The following SLC39A14 variants were observed in gnomAD, a reference collection of about 807,000 sequenced individuals.
SLC39A14 encodes the protein metal cation symporter ZIP14.
SLC39A14 carries 19 observed loss-of-function variants against 45.5 expected under a neutral mutation model. The ratio of observed to expected loss-of-function variants is 0.42; its 90% CI spans 0.29 to 0.61. SLC39A14 has a LOEUF of 0.61. Ranked by LOEUF, SLC39A14 falls within the 20% of genes least tolerant of loss-of-function variation. The pLI is 0.22. For synonymous variants in SLC39A14, 264 were observed against 251.3 expected (o/e 1.05, Z -0.48); for missense variants, 447 against 616.5 (o/e 0.73, Z 2.91).
intron 4 of SLC39A14, among the ~76,000 whole-genome samples, chr8:22,412,567 T>G (rs1458388181): frequency 6.6e-6 from 1 of 152,030 alleles, no homozygotes; most frequent in East Asian, 1.9e-4. Flanking sequence ...CTGTCTGATG[T>G]GGGGTGAAAA....
At chr8:22,389,469 G>C (rs1833954721) in intron 1 of SLC39A14, among the ~76,000 whole-genome samples, 1 of 152,048 alleles carries the variant, frequency 6.6e-6, no homozygotes, top group South Asian at 2.1e-4. Flanking sequence ...GGGGAGGTGG[G>C]GTAGGCTGGG....
chr8:22,412,029 C>G lies in SLC39A14; in HGVS notation c.458-8C>G, dbSNP rs1168039448. The G allele has an allele frequency of 6.5e-7, 1 of 1,549,400 alleles. No individual in the cohort carries two copies. Among genetic ancestry groups the G allele is most frequent in the Non-Finnish European group, 8.7e-7 (1 of 1,146,540 alleles). The stretch of plus-strand genomic sequence containing the variant: ...CTGGGTGGGGCTGGCCCTCCCTCCG[C>G]ACGGCAGTGTGGGGATACGGTCTCC... On this transcript the variant is annotated splice_polypyrimidine_tract_variant and splice_region_variant and intron_variant, in intron 3 of 8. Coordinates refer to ENST00000381237, the MANE Select transcript of SLC39A14 (RefSeq NM_001128431.4).
At chr8:22,411,790 T>C in intron 3 of SLC39A14, 1 of 460,312 alleles carries the variant, frequency 2.2e-6, no homozygotes, top group South Asian at 3.0e-5. Context: ...TGAATTCCTC[T>C]TTCTTCTGAA....
downstream of SLC39A14, among the ~76,000 whole-genome samples, chr8:22,424,049 G>A (rs182687452): frequency 6.6e-6 from 1 of 151,966 alleles, no homozygotes; most frequent in East Asian, 1.9e-4. Context: ...GCCTCCCAAA[G>A]TGCTGGGATT....
chr8:22,400,456 C>T (rs1402842928), intron 1 of SLC39A14, among the ~76,000 whole-genome samples: 1 of 152,194 alleles, frequency 6.6e-6, no homozygotes, highest in Non-Finnish European at 1.5e-5. Context: ...AGTACAACTC[C>T]TGCCATCGAC....
chr8:22,375,518 CT>C, intron 1 of SLC39A14, among the ~76,000 whole-genome samples: 1 of 151,546 alleles, frequency 6.6e-6, no homozygotes, highest in East Asian at 2.0e-4. Context: ...CGGAGTCTCA[CT>C]CTGTTGCCCA....
At chr8:22,404,070 GTCC>G in intron 1 of SLC39A14, among the ~76,000 whole-genome samples, 1 of 151,900 alleles carries the variant, frequency 6.6e-6, no homozygotes, top group African/African-American at 2.4e-5. Flanking sequence ...TTTTGAAGCA[GTCC>G]CCAGATATAA....
intron 3 of SLC39A14, chr8:22,411,758 T>A: frequency 2.7e-6 from 1 of 374,098 alleles, no homozygotes; most frequent in Non-Finnish European, 5.0e-6. Context: ...GGGGCAGAAG[T>A]CACAGGGTTC....
intron 8 of SLC39A14, among the ~76,000 whole-genome samples, chr8:22,418,134 C>T (rs979192342): frequency 2.0e-5 from 3 of 152,178 alleles, no homozygotes; most frequent in Non-Finnish European, 4.4e-5. Context: ...AACTCCCGGC[C>T]TCAGGTGATC....
At chr8:22,423,146 C>G (rs917441513), downstream of SLC39A14, among the ~76,000 whole-genome samples, 2 of 150,918 alleles carry the variant, frequency 1.3e-5, no homozygotes, top group African/African-American at 4.9e-5. Context: ...TTTGTACTCT[C>G]TTCTCTTTTC....
At chr8:22,369,742 C>T (rs542928246) in intron 1 of SLC39A14, among the ~76,000 whole-genome samples, 3 of 152,322 alleles carry the variant, frequency 2.0e-5, no homozygotes, top group African/African-American at 7.2e-5. Flanking sequence ...TCTGTTCTCA[C>T]CAGCTTGCAG....
intron 4 of SLC39A14, among the ~76,000 whole-genome samples, chr8:22,414,029 C>T (rs1835733086): frequency 6.6e-6 from 1 of 152,040 alleles, no homozygotes; most frequent in Non-Finnish European, 1.5e-5. Context: ...ATCCACCCAC[C>T]TCGGTCCTTT....
At chr8:22,429,693 C>G (rs1318943034) in intron 8 of SLC39A14, among the ~76,000 whole-genome samples, 1 of 152,230 alleles carries the variant, frequency 6.6e-6, no homozygotes, top group African/African-American at 2.4e-5. Flanking sequence ...TGAAAAACTT[C>G]TGCTGCAGAC....
At chr8:22,410,500 C>T (rs1007434778) in intron 3 of SLC39A14, among the ~76,000 whole-genome samples, 1 of 109,000 alleles carries the variant, frequency 9.2e-6, no homozygotes, top group Non-Finnish European at 1.6e-5. Context: ...GGTCTGGGCA[C>T]CAAGAGCTTA....
chr8:22,368,486 CTT>C (rs1832753260), intron 1 of SLC39A14, among the ~76,000 whole-genome samples: 1 of 147,528 alleles, frequency 6.8e-6, no homozygotes, highest in Non-Finnish European at 1.5e-5. Flanking sequence ...ATCCTTCCCT[CTT>C]TTATTTTATT....
Position 22,404,352 on chromosome 8 carries a change from A to G in SLC39A14, c.-15-344A>G, listed in dbSNP as rs562574786. Among the ~76,000 whole-genome samples the G allele has an allele frequency of 2.0e-5, 3 of 150,380 alleles. No individual in the cohort carries two copies. In the South Asian group the frequency reaches 6.3e-4, roughly 32 times the overall value. Reference sequence around the variant, plus strand: ...TGAGGCAGGAGAATCACTTGAACCCAGGAGGCGGAGGTTGCAGTGAGCTGA... The same window carrying G: ...TGAGGCAGGAGAATCACTTGAACCCGGGAGGCGGAGGTTGCAGTGAGCTGA... On this transcript the variant is annotated intron_variant, in intron 1 of 8. Coordinates refer to ENST00000381237, the MANE Select transcript of SLC39A14 (RefSeq NM_001128431.4).
intron 1 of SLC39A14, among the ~76,000 whole-genome samples, chr8:22,385,624 T>C (rs1386428466): frequency 1.3e-5 from 2 of 152,184 alleles, no homozygotes; most frequent in African/African-American, 4.8e-5. Context: ...GTGAGTGAGA[T>C]GAGCCAGTTA....
At chr8:22,393,652 T>C (rs1223357266) in intron 1 of SLC39A14, among the ~76,000 whole-genome samples, 1 of 151,940 alleles carries the variant, frequency 6.6e-6, no homozygotes, top group Non-Finnish European at 1.5e-5. Flanking sequence ...GCCAAATGTG[T>C]TTTTTTTAAT....
intron 1 of SLC39A14, among the ~76,000 whole-genome samples, chr8:22,374,899 C>A (rs1833130734): frequency 6.6e-6 from 1 of 152,068 alleles, no homozygotes; most frequent in Non-Finnish European, 1.5e-5. Flanking sequence ...GTGCACACCA[C>A]CACACCTAGC....
Sources: gnomAD v4.1 joint callset for allele counts (sites outside exome capture counted in the v4.1 genomes callset) on GRCh38, gnomAD v4.1.1 for gene constraint, MANE v1.5 for transcripts, NCBI Gene and HGNC (gene_info 2026-07-23, HGNC 2026-07-21) for gene names.